Variants in DHX33 observed in about 807,000 individuals in gnomAD.
DHX33 encodes the protein ATP-dependent RNA helicase DHX33.
DHX33 carries 42 observed loss-of-function variants against 72.5 expected under a neutral mutation model. The ratio of observed to expected loss-of-function variants is 0.58; its 90% CI spans 0.45 to 0.75. DHX33 has a LOEUF of 0.75. Among genes scored for constraint, DHX33 ranks in the 30% least tolerant of loss-of-function variants. The pLI is 0.00. For missense variants in DHX33, 842 were observed against 917.5 expected, an observed-to-expected ratio of 0.92 and a Z score of 1.06; for synonymous variants, 358 against 366.1, an observed-to-expected ratio of 0.98 and a Z score of 0.25.
At chr17:5,446,958 G>A (rs897542533) in intron 11 of DHX33, among the ~76,000 whole-genome samples, 2 of 152,204 alleles carry the variant, frequency 1.3e-5, no homozygotes, top group African/African-American at 2.4e-5. Context: ...AGTGCCAACC[G>A]TAGGCCGTTG....
At chr17:5,450,131 C>T (rs1567598001) in intron 10 of DHX33, 72 bp downstream of exon 10, 1 of 1,565,668 alleles carries the variant, frequency 6.4e-7, no homozygotes. Context: ...TGCACGGCTT[C>T]AGTAGAAAAA....
intron 2 of DHX33, among the ~76,000 whole-genome samples, chr17:5,462,889 C>T (rs1394808932): frequency 7.2e-5 from 11 of 151,990 alleles, no homozygotes; most frequent in Non-Finnish European, 1.5e-4. Context: ...ACCAGCCTGA[C>T]CAACATGCTG....
intron 5 of DHX33, among the ~76,000 whole-genome samples, chr17:5,455,767 C>T (rs1917162497): frequency 6.6e-6 from 1 of 152,214 alleles, no homozygotes; most frequent in Admixed American, 6.5e-5. Context: ...TACCTTGCAG[C>T]TTTGGTTTAT....
chr17:5,454,991 C>T (rs1917124682), intron 6 of DHX33, among the ~76,000 whole-genome samples, 169 bp downstream of exon 6: 1 of 152,192 alleles, frequency 6.6e-6, no homozygotes, highest in Non-Finnish European at 1.5e-5. Flanking sequence ...CACATACCCG[C>T]CTCAGGACTC....
rs1348653810 is a variant in DHX33 at position 5,463,669 on chromosome 17, T to C, written c.310A>G (p.Thr104Ala). 1.9e-6 allele frequency: 3 copies of C among 1,610,436 alleles called. No individual in the cohort carries two copies. The African/African-American group carries it at 4.0e-5, about 22-fold the overall frequency. The change falls in exon 2 of 12, where the codon ACA (threonine) becomes GCA (alanine). Residue 104 changes from threonine (T) to alanine (A), a missense_variant. Thr to Ala is a moderately conservative substitution (Grantham distance 58). Coordinates refer to ENST00000225296, the MANE Select transcript of DHX33 (RefSeq NM_020162.4). ...VLIGETGSGK[T>A]TQIPQYLYEG... ...TACAGGTACTGAGGGATCTGAGTTG[T>C]CTTCCCAGAGCCAGTTTCCCCTAGG...
At chr17:5,456,357 T>C (rs1917193323) in intron 4 of DHX33, among the ~76,000 whole-genome samples, 175 bp from the exon 5 acceptor site, 1 of 152,174 alleles carries the variant, frequency 6.6e-6, no homozygotes, top group African/African-American at 2.4e-5. Flanking sequence ...AGTGTGTAAA[T>C]GGTAACAGGC....
intron 6 of DHX33, among the ~76,000 whole-genome samples, chr17:5,454,435 C>T (rs934486778): frequency 2.0e-5 from 3 of 152,140 alleles, no homozygotes; most frequent in African/African-American, 4.8e-5. Context: ...TATCCTCCCT[C>T]CCAGTTCTGC....
chr17:5,450,670 G>A, intron 9 of DHX33, 137 bp downstream of exon 9: 2 of 1,324,500 alleles, frequency 1.5e-6, no homozygotes, highest in East Asian at 2.3e-5. Flanking sequence ...ATGAATCAGG[G>A]CTATTTGCAA....
intron 11 of DHX33, among the ~76,000 whole-genome samples, chr17:5,448,380 A>C (rs1162137670): frequency 6.6e-6 from 1 of 152,226 alleles, no homozygotes; most frequent in Non-Finnish European, 1.5e-5. Flanking sequence ...TGTTAACAGT[A>C]GTTATCTCTG....
At chr17:5,448,323 A>G (rs1415406443) in intron 11 of DHX33, among the ~76,000 whole-genome samples, 1 of 152,258 alleles carries the variant, frequency 6.6e-6, no homozygotes, top group African/African-American at 2.4e-5. Flanking sequence ...GACATGCACA[A>G]AAACATACAT....
chr17:5,447,603 A>G (rs1437529991), intron 11 of DHX33, among the ~76,000 whole-genome samples: 2 of 151,644 alleles, frequency 1.3e-5, no homozygotes, highest in Admixed American at 1.3e-4. Flanking sequence ...CAGCCTGGGC[A>G]ACAAGAGCAA....
intron 4 of DHX33, among the ~76,000 whole-genome samples, chr17:5,460,610 G>A (rs1408844127): frequency 1.3e-5 from 2 of 151,286 alleles, no homozygotes; most frequent in African/African-American, 2.4e-5. Context: ...GGATTCAGGC[G>A]ATTCTCCCAC....
rs761633646 is a variant in DHX33, at chr17:5,463,696, G to C, written c.290-7C>G. ...TTCCCAGAGCCAGTTTCCCCTAGGA[G>C]AGAGGGGGAAAAAAAAAAAAGGCTC... On this transcript the variant is annotated splice_region_variant and splice_polypyrimidine_tract_variant and intron_variant, in intron 1 of 11. Transcript: ENST00000225296. The C allele has an allele frequency of 1.9e-6, 3 of 1,569,370 alleles. No homozygotes were observed. The highest frequency in any genetic ancestry group is 4.5e-5 in the East Asian group (2 of 44,466).
chr17:5,460,297 A>T (rs1904526431), intron 4 of DHX33, among the ~76,000 whole-genome samples: 1 of 152,112 alleles, frequency 6.6e-6, no homozygotes, highest in Non-Finnish European at 1.5e-5. Flanking sequence ...TACAGGCGTG[A>T]GCCACTGTGC....
chr17:5,443,965 G>A lies in DHX33; in HGVS notation c.*240C>T. 1 of 467,092 alleles carries A rather than the reference G, an allele frequency of 2.1e-6. No individual in the cohort carries two copies. Among genetic ancestry groups the A allele is most frequent in the Non-Finnish European group, 3.8e-6 (1 of 263,898 alleles). The allele number at this position is 467,092 out of a possible 1,614,324, so 28.9% of individuals were successfully genotyped here. ...AACTGAGGCTCAGGTGTTAAATTAA[G>A]TCAAAGTCACCCAGTAAGAACCAAA... On this transcript the variant is annotated 3_prime_UTR_variant, in exon 12 of 12. Coordinates refer to ENST00000225296, the MANE Select transcript of DHX33 (RefSeq NM_020162.4).
Position 5,442,250 on chromosome 17 carries a change from A to ATTTTTTTT in DHX33, c.*1947_*1954dup, listed in dbSNP as rs377645589. ...AGCCACTGCGCCCGGCCACCCCCCA[A>ATTTTTTTT]TTTTTTTTTTTTTTTTTTTTTTTTT... On this transcript the variant is annotated 3_prime_UTR_variant, in exon 12 of 12. Coordinates refer to ENST00000225296, the MANE Select transcript of DHX33 (RefSeq NM_020162.4). The ATTTTTTTT allele has an allele frequency of 1.5e-3, 187 of 121,790 alleles. 2 individuals carry two copies. Among genetic ancestry groups the ATTTTTTTT allele is most frequent in the African/African-American group, 5.1e-3 (162 of 32,048 alleles). The allele number at this position is 121,790 out of a possible 1,614,324, so 7.5% of individuals were successfully genotyped here.
At position 5,468,732 on chromosome 17, in the gene DHX33, C is replaced by G; in HGVS notation, c.128G>C (p.Arg43Thr). The stretch of plus-strand genomic sequence containing the variant: ...CTGCCTCCGGCCTCCTCCTCCTCCT[C>G]TGCCGCCGCTGCCCGCAGTCAGCAG... ...VMLLTAGSGG[R>T]GGGGGRRQQP... The change falls in exon 1 of 12, where the codon AGA becomes ACA. Residue 43 changes from arginine (R) to threonine (T), a missense_variant. Arg to Thr is a moderately conservative substitution (Grantham distance 71). Coordinates refer to ENST00000225296, the MANE Select transcript of DHX33 (RefSeq NM_020162.4). The G allele has an allele frequency of 6.2e-7, 1 of 1,610,944 alleles. No individual in the cohort carries two copies.
intron 4 of DHX33, among the ~76,000 whole-genome samples, chr17:5,459,310 G>C (rs1227225605): frequency 2.6e-5 from 4 of 151,952 alleles, no homozygotes; most frequent in Admixed American, 6.6e-5. Context: ...TTAAACAAAA[G>C]TGACTTAATG....
At chr17:5,447,076 C>T (rs776579396) in intron 11 of DHX33, among the ~76,000 whole-genome samples, 3 of 152,224 alleles carry the variant, frequency 2.0e-5, no homozygotes, top group African/African-American at 4.8e-5. Context: ...AGCAAACACA[C>T]GGACACTGTC....
Sources: allele counts gnomAD v4.1 joint callset (sites outside exome capture counted in the v4.1 genomes callset), GRCh38; gene constraint gnomAD v4.1.1; transcripts MANE v1.5; gene names NCBI Gene and HGNC (gene_info 2026-07-23, HGNC 2026-07-21).